SPTAN1: variants seen among roughly 807,000 people sequenced by gnomAD.
SPTAN1 encodes spectrin alpha chain, non-erythrocytic 1.
SPTAN1 carries 61 observed loss-of-function variants against 331.3 expected under a neutral mutation model. That is an observed-to-expected ratio of 0.18 (90% CI 0.15 to 0.23). SPTAN1 has a LOEUF of 0.23. Among genes scored for constraint, SPTAN1 ranks in the 10% least tolerant of loss-of-function variants. The pLI, the probability that SPTAN1 is intolerant of heterozygous loss-of-function variation, is 1.00. For missense variants in SPTAN1, 2,043 were observed against 3,147.9 expected, an observed-to-expected ratio of 0.65 and a Z score of 8.40; for synonymous variants, 1,153 against 1,173.9, an observed-to-expected ratio of 0.98 and a Z score of 0.36.
chr9:128,584,159 A>G (rs1852279723), intron 16 of SPTAN1, 123 bp from the exon 17 acceptor site: 13 of 1,527,158 alleles, frequency 8.5e-6, no homozygotes, highest in South Asian at 8.0e-5. Context: ...GGAGCCCCAG[A>G]TGAAGGAAGG....
rs568821010 is a variant in SPTAN1 at position 128,604,820 on chromosome 9, A to T, written c.3720-214A>T. Reference sequence around the variant, plus strand: ...GTGGTGGGCGCCTGTAATCCTAGCTACTTGGGAGGTTGAGGCAGGAGAATC... The same window carrying T: ...GTGGTGGGCGCCTGTAATCCTAGCTTCTTGGGAGGTTGAGGCAGGAGAATC... On this transcript the variant is annotated intron_variant, in intron 29 of 56. Coordinates refer to ENST00000372739, the MANE Select transcript of SPTAN1 (RefSeq NM_001130438.3). Among the ~76,000 whole-genome samples, 38 of 152,128 alleles carry T rather than the reference A, an allele frequency of 2.5e-4. No homozygotes were observed. The East Asian group carries it at 6.0e-3, about 24-fold the overall frequency.
intron 20 of SPTAN1, among the ~76,000 whole-genome samples, chr9:128,588,391 A>G (rs1170958951): frequency 7.4e-6 from 1 of 135,462 alleles, no homozygotes; most frequent in Non-Finnish European, 1.5e-5. Flanking sequence ...GGCTCACCGC[A>G]ACCTCCGCCT....
At chr9:128,620,110 G>A (rs994568034) in intron 44 of SPTAN1, among the ~76,000 whole-genome samples, 5 of 152,194 alleles carry the variant, frequency 3.3e-5, no homozygotes, top group African/African-American at 9.6e-5. Flanking sequence ...CATCCTCACT[G>A]CCTTCTGGCC....
intron 27 of SPTAN1, among the ~76,000 whole-genome samples, chr9:128,603,167 C>T: frequency 6.6e-6 from 1 of 151,794 alleles, no homozygotes; most frequent in East Asian, 1.9e-4. Context: ...TCTCAGCTGC[C>T]AGCATTTGTT....
chr9:128,589,168 A>C (rs974602318), intron 21 of SPTAN1, among the ~76,000 whole-genome samples: 15 of 151,996 alleles, frequency 9.9e-5, no homozygotes, highest in Non-Finnish European at 2.2e-4. Context: ...AGATAATCAC[A>C]CTCAGAAGGA....
intron 39 of SPTAN1, among the ~76,000 whole-genome samples, chr9:128,612,711 AG>A (rs1367850222): frequency 6.6e-6 from 1 of 152,200 alleles, no homozygotes; most frequent in African/African-American, 2.4e-5. Context: ...AGATCACTTG[AG>A]GTCAGGAGTT....
intron 22 of SPTAN1, 78 bp downstream of exon 22, chr9:128,591,703 G>T: frequency 6.3e-7 from 1 of 1,581,958 alleles, no homozygotes; most frequent in South Asian, 1.1e-5. Flanking sequence ...AAGCTTAGGC[G>T]TGTCCTGAGG....
At chr9:128,590,160 C>T (rs1170687799) in intron 21 of SPTAN1, among the ~76,000 whole-genome samples, 1 of 152,164 alleles carries the variant, frequency 6.6e-6, no homozygotes, top group East Asian at 1.9e-4. Flanking sequence ...CCCATTCCCA[C>T]ACCTTATTTA....
chr9:128,556,723 C>T (rs1265245423), intron 1 of SPTAN1, among the ~76,000 whole-genome samples: 1 of 152,208 alleles, frequency 6.6e-6, no homozygotes, highest in African/African-American at 2.4e-5. Context: ...TGCTGATCCA[C>T]AATCCTGATT....
Position 128,582,572 on chromosome 9 carries a change from C to T in SPTAN1, c.1650+16C>T. 6.2e-7 allele frequency: 1 copy of T among 1,613,118 alleles called. No homozygotes were observed. The highest frequency in any genetic ancestry group is 8.5e-7 in the Non-Finnish European group (1 of 1,179,924). On this transcript the variant is annotated intron_variant, in intron 13 of 56. Transcript: ENST00000372739. ...CCGAGATGCTGTAAGTTTGTAGGTTCTTCATGCTCCTCCTTTTTGGTACAT... is the reference window on the plus strand; with the variant it reads ...CCGAGATGCTGTAAGTTTGTAGGTTTTTCATGCTCCTCCTTTTTGGTACAT...
At chr9:128,564,063 C>G (rs1486045478) in intron 1 of SPTAN1, among the ~76,000 whole-genome samples, 1 of 152,008 alleles carries the variant, frequency 6.6e-6, no homozygotes, top group East Asian at 1.9e-4. Flanking sequence ...CATTTGAGCC[C>G]AGGAGTTCAA....
chr9:128,608,372 C>A, intron 34 of SPTAN1, 96 bp downstream of exon 34: 2 of 1,458,518 alleles, frequency 1.4e-6, no homozygotes, highest in Non-Finnish European at 1.9e-6. Context: ...CCAAGGAATA[C>A]CTGCGTTGTC....
intron 23 of SPTAN1, chr9:128,593,418 C>T: frequency 4.2e-6 from 1 of 236,670 alleles, no homozygotes; most frequent in Non-Finnish European, 8.4e-6. Flanking sequence ...TAACTCATTG[C>T]TTTTTTATTT....
rs77117600 is a variant in SPTAN1 at position 128,557,366 on chromosome 9, A to G, written c.-4+4670A>G. 2.4e-3 allele frequency among the ~76,000 whole-genome samples: 365 copies of G among 152,288 alleles called. 10 individuals are homozygous for G. The East Asian group carries it at 0.04, about 17-fold the overall frequency. ...ATTTTTTTCTCTCTTTTGGGATTCC[A>G]TAGAGAAACTGACTGCACTCACTGC... On this transcript the variant is annotated intron_variant, in intron 1 of 56. Transcript: ENST00000372739.
intron 45 of SPTAN1, among the ~76,000 whole-genome samples, chr9:128,624,086 CAAAAAA>C (rs11444346): frequency 2.7e-4 from 18 of 66,826 alleles, no homozygotes; most frequent in Admixed American, 7.0e-4. Flanking sequence ...CACTCCGTCT[CAAAAAA>C]AAAAAAAAAA....
rs1160388032 is a variant in SPTAN1 at position 128,577,637 on chromosome 9, T to C, written c.1085+131T>C. 1.2e-5 allele frequency: 15 copies of C among 1,220,084 alleles called. No homozygotes were observed. Among genetic ancestry groups the C allele is most frequent in the Non-Finnish European group, 1.8e-5 (15 of 841,172 alleles). 75.6% of individuals were successfully genotyped at this position (1,220,084 alleles called of 1,614,324 possible). ...ATCACCTACAAATGCAAATCACTTC[T>C]TACCTATGTTCTCTCTGTTTGGAGA... On this transcript the variant is annotated intron_variant, in intron 8 of 56. Coordinates refer to ENST00000372739, the MANE Select transcript of SPTAN1 (RefSeq NM_001130438.3). This position sits in a 1 kb window ranked among gnomAD's most constrained non-coding sequence, Gnocchi z 4.2.
chr9:128,558,005 G>A (rs1417730792), intron 1 of SPTAN1, among the ~76,000 whole-genome samples: 3 of 151,842 alleles, frequency 2.0e-5, no homozygotes, highest in Admixed American at 2.0e-4. Context: ...GGGTTTCACC[G>A]TGTTAGCCAG....
At chr9:128,571,456 G>A (rs774153565) in intron 3 of SPTAN1, among the ~76,000 whole-genome samples, 7 of 152,024 alleles carry the variant, frequency 4.6e-5, no homozygotes, top group South Asian at 2.1e-4. Context: ...GTGGTGTTGC[G>A]TGCCTGTAAT....
chr9:128,587,487 T>G, intron 19 of SPTAN1, 119 bp from the exon 20 acceptor site: 1 of 782,442 alleles, frequency 1.3e-6, no homozygotes. Context: ...GGGCAGGAGG[T>G]GATTACGTCA....
Sources: gnomAD v4.1 joint callset for allele counts (sites outside exome capture counted in the v4.1 genomes callset) on GRCh38, gnomAD v4.1.1 for gene constraint, Gnocchi (gnomAD v3.1) non-coding constraint, MANE v1.5 for transcripts, NCBI Gene and HGNC (gene_info 2026-07-23, HGNC 2026-07-21) for gene names.